The following SMAD1 variants were observed in gnomAD, a reference collection of about 807,000 sequenced individuals.
SMAD1 encodes SMAD family member 1.
Under a neutral mutation model 41.6 loss-of-function variants are expected in SMAD1, and 6 were observed. That is an observed-to-expected ratio of 0.14 (90% CI 0.08 to 0.28). The LOEUF (loss-of-function observed/expected upper bound fraction) is 0.28. Ranked by LOEUF, SMAD1 falls within the 10% of genes least tolerant of loss-of-function variation. The probability of loss-of-function intolerance (pLI) is 1.00; values close to 1 mark genes in which losing one functional copy is unlikely to be tolerated. For synonymous variants in SMAD1, 206 were observed against 203.2 expected, an observed-to-expected ratio of 1.01 and a Z score of -0.12; for missense variants, 379 against 582.6, an observed-to-expected ratio of 0.65 and a Z score of 3.60.
chr4:145,549,638 A>G (rs1732451156), intron 5 of SMAD1, among the ~76,000 whole-genome samples: 1 of 152,236 alleles, frequency 6.6e-6, no homozygotes, highest in Admixed American at 6.5e-5. Context: ...TTTCCAGAGT[A>G]AAAGTATGAA....
At chr4:145,536,488 T>C (rs1335970531) in intron 2 of SMAD1, among the ~76,000 whole-genome samples, 1 of 152,056 alleles carries the variant, frequency 6.6e-6, no homozygotes, top group Admixed American at 6.6e-5. Context: ...TCTAAGACAA[T>C]ATGACCATCA....
chr4:145,526,573 G>A (rs1240364709), intron 2 of SMAD1, among the ~76,000 whole-genome samples: 1 of 151,288 alleles, frequency 6.6e-6, no homozygotes, highest in Non-Finnish European at 1.5e-5. Flanking sequence ...AGGACCCAGA[G>A]GCCAGCTTGT....
intron 2 of SMAD1, among the ~76,000 whole-genome samples, 159 bp downstream of exon 2, chr4:145,515,172 G>GTGTC (rs1187566978): frequency 6.6e-6 from 1 of 150,718 alleles, no homozygotes; most frequent in African/African-American, 2.5e-5. Flanking sequence ...GTGTGTGTGT[G>GTGTC]TGTGTCTGTG....
intron 5 of SMAD1, among the ~76,000 whole-genome samples, chr4:145,548,943 G>A (rs1732403346): frequency 6.6e-6 from 1 of 152,120 alleles, no homozygotes; most frequent in African/African-American, 2.4e-5. Flanking sequence ...ACCTCCAGAT[G>A]TCATACCCTG....
In SMAD1 at chr4:145,518,382, G is replaced by A. The variant is rs913448520; in HGVS notation, c.400+3369G>A. 3.2e-5 allele frequency among the ~76,000 whole-genome samples: 4 copies of A among 124,142 alleles called. 2 individuals carry two copies. Among genetic ancestry groups the A allele is most frequent in the Admixed American group, 1.5e-4 (2 of 13,140 alleles). 81.4% of individuals were successfully genotyped at this position (124,142 alleles called of 152,430 possible). On this transcript the variant is annotated intron_variant, in intron 2 of 6. Coordinates refer to ENST00000302085, the MANE Select transcript of SMAD1 (RefSeq NM_005900.3). The stretch of plus-strand genomic sequence containing the variant: ...GGGGCGCCTGTAATCCCAGCTACTC[G>A]GGAGGCTGAGGCAGAAAAATCACTT...
Position 145,514,348 on chromosome 4 carries a change from AC to A in SMAD1, c.-176-89del, listed in dbSNP as rs1730258235. On this transcript the variant is annotated intron_variant, in intron 1 of 6. Transcript: ENST00000302085. The surrounding 1 kb of genome is among the most constrained non-coding windows in gnomAD (Gnocchi z 4.7). ...ACAGCATACTGTATTACATAAAAGC[AC>A]TTAAAATAGTACCTAGCACATGGTG... 4.4e-5 allele frequency: 16 copies of A among 364,106 alleles called. No individual in the cohort carries two copies. The South Asian group carries it at 1.1e-3, about 25-fold the overall frequency. 22.6% of individuals were successfully genotyped at this position (364,106 alleles called of 1,614,324 possible).
chr4:145,553,913 G>A lies in SMAD1; in HGVS notation c.1127G>A (p.Ser376Asn), dbSNP rs775491520. 1 of 1,614,126 alleles carries A rather than the reference G, an allele frequency of 6.2e-7. No homozygotes were observed. Among genetic ancestry groups the A allele is most frequent in the East Asian group, 2.2e-5 (1 of 44,880 alleles). ...FHPTTVCKIP[S>N]GCSLKIFNNQ... ...CCTACTACTGTTTGCAAGATCCCTA[G>A]TGGGTGTAGTCTGAAAATTTTTAAC... The change falls in exon 6 of 7, where the codon AGT (serine) becomes AAT (asparagine). Residue 376 changes from serine (S) to asparagine (N), a missense_variant. Ser to Asn is a conservative substitution (Grantham distance 46, BLOSUM62 1). This residue lies in a region of SMAD1 where 107 missense variants were observed against 218.3 expected (regional missense o/e 0.49). Transcript: ENST00000302085.
At chr4:145,493,605 C>T (rs1657003864) in intron 1 of SMAD1, among the ~76,000 whole-genome samples, 2 of 152,170 alleles carry the variant, frequency 1.3e-5, no homozygotes, top group Admixed American at 1.3e-4. Flanking sequence ...TCATTTATAG[C>T]ATATATTTGC....
In SMAD1 at chr4:145,546,769, A is replaced by G. The variant is rs61748163; in HGVS notation, c.842A>G (p.Asn281Ser). Residue 281 changes from asparagine (N) to serine (S), a missense_variant, in exon 5 of 7, where the codon AAT (asparagine) becomes AGT (serine). Around this residue, in one of 3 missense-constraint regions of SMAD1, gnomAD observed 208 missense variants for 210.5 expected, o/e 0.99. Coordinates refer to ENST00000302085, the MANE Select transcript of SMAD1 (RefSeq NM_005900.3). ...TCTATTGTCTACTATGAGCTCAACA[A>G]TCGTGTGGGTGAAGCGTTCCATGCC... ...WCSIVYYELNNRVGEAFHASS... is the reference protein window; with the variant it reads ...WCSIVYYELNSRVGEAFHASS... 3.2e-4 allele frequency: 512 copies of G among 1,613,988 alleles called. 1 individual carries two copies. The highest frequency in any genetic ancestry group is 4.1e-4 in the Non-Finnish European group (486 of 1,179,986).
intron 2 of SMAD1, among the ~76,000 whole-genome samples, chr4:145,533,928 C>A (rs115816221): frequency 2.6e-5 from 4 of 152,096 alleles, no homozygotes; most frequent in African/African-American, 4.8e-5. Flanking sequence ...GAAGCCCTAA[C>A]CCCAAGCACC....
chr4:145,514,668 G>A lies in SMAD1; in HGVS notation c.55G>A (p.Gly19Arg). The change falls in exon 2 of 7, where the codon GGG becomes AGG. Residue 19 changes from glycine to arginine, a missense_variant. By Grantham distance (125) the Gly-to-Arg change is moderately radical. This residue lies in a region of SMAD1 where 64 missense variants were observed against 153.9 expected (regional missense o/e 0.42). Transcript: ENST00000302085. This position sits in a 1 kb window ranked among gnomAD's most constrained non-coding sequence, Gnocchi z 4.7. ...FTSPAVKRLL[G>R]WKQGDEEEKW... ...AAGTCCAGCTGTGAAGAGACTTCTT[G>A]GGTGGAAACAGGGCGATGAAGAAGA... is the stretch of plus-strand genomic sequence containing the variant. 2 of 1,613,682 alleles carry A rather than the reference G, an allele frequency of 1.2e-6. No homozygotes were observed. Among genetic ancestry groups the A allele is most frequent in the Non-Finnish European group, 1.7e-6 (2 of 1,179,912 alleles).
At chr4:145,495,138 G>T (rs1263823160) in intron 1 of SMAD1, among the ~76,000 whole-genome samples, 1 of 152,120 alleles carries the variant, frequency 6.6e-6, no homozygotes, top group African/African-American at 2.4e-5. Flanking sequence ...GACGCTGGAG[G>T]GTTGCAAATA....
At chr4:145,501,475 T>C (rs1020809576) in intron 1 of SMAD1, among the ~76,000 whole-genome samples, 3 of 152,170 alleles carry the variant, frequency 2.0e-5, no homozygotes, top group Non-Finnish European at 2.9e-5. Flanking sequence ...AATTAAGAGC[T>C]GAGCTGAAGG....
intron 5 of SMAD1, among the ~76,000 whole-genome samples, chr4:145,551,702 T>C (rs1020359743): frequency 4.6e-5 from 7 of 152,326 alleles, no homozygotes; most frequent in African/African-American, 1.7e-4. Context: ...TAAACAATTA[T>C]TTGTCAACTA....
intron 1 of SMAD1, among the ~76,000 whole-genome samples, chr4:145,503,423 G>A (rs1361367216): frequency 1.3e-5 from 2 of 152,092 alleles, no homozygotes; most frequent in East Asian, 1.9e-4. Flanking sequence ...TATGAAGTAC[G>A]TTAGCATCAG....
intron 1 of SMAD1, chr4:145,497,346 T>C (rs1729141204): frequency 6.6e-6 from 1 of 152,234 alleles, no homozygotes. Flanking sequence ...TGTCTGCACG[T>C]ATGTTTCTCC....
intron 2 of SMAD1, among the ~76,000 whole-genome samples, chr4:145,516,082 C>A (rs1384772176): frequency 1.3e-5 from 2 of 152,184 alleles, no homozygotes; most frequent in African/African-American, 4.8e-5. Context: ...GTATCCCCTA[C>A]TCATTTTAAG....
intron 2 of SMAD1, among the ~76,000 whole-genome samples, chr4:145,532,645 G>A (rs907004180): frequency 2.6e-5 from 4 of 152,160 alleles, no homozygotes; most frequent in African/African-American, 9.7e-5. Context: ...CTTAAAGAGG[G>A]AAGTCCCACA....
intron 1 of SMAD1, among the ~76,000 whole-genome samples, chr4:145,503,482 T>G (rs566082931): frequency 1.3e-5 from 2 of 152,022 alleles, no homozygotes; most frequent in Non-Finnish European, 2.9e-5. Flanking sequence ...GTTCTAGAGG[T>G]TTTTTCCTCC....
Sources: gnomAD v4.1 joint callset for allele counts (sites outside exome capture counted in the v4.1 genomes callset) on GRCh38, gnomAD v4.1.1 for gene constraint, gnomAD v4.1.1 regional missense constraint, Gnocchi (gnomAD v3.1) non-coding constraint, MANE v1.5 for transcripts, NCBI Gene and HGNC (gene_info 2026-07-23, HGNC 2026-07-21) for gene names.